The following COMMD1 variants were observed in gnomAD, a reference collection of about 807,000 sequenced individuals.
COMMD1 encodes the protein COMM domain-containing protein 1.
Under a neutral mutation model 17.2 loss-of-function variants are expected in COMMD1, and 10 were observed. That is an observed-to-expected ratio of 0.58 (90% confidence interval 0.36 to 0.99). The LOEUF (loss-of-function observed/expected upper bound fraction) is 0.99. Ranked by LOEUF, COMMD1 falls within the 50% of genes least tolerant of loss-of-function variation. COMMD1 has a pLI of 0.01. For synonymous variants in COMMD1, 97 were observed against 91.6 expected (o/e 1.06, Z -0.34); for missense variants, 270 against 231.8 (o/e 1.17, Z -1.07).
At chr2:62,068,934 C>A (rs1671127857) in intron 2 of COMMD1, among the ~76,000 whole-genome samples, 1 of 152,020 alleles carries the variant, frequency 6.6e-6, no homozygotes, top group African/African-American at 2.4e-5. Context: ...AGCCACCAGG[C>A]CTAGCAGTGG....
At chr2:61,913,532 T>C (rs1229695497) in intron 1 of COMMD1, among the ~76,000 whole-genome samples, 1 of 151,362 alleles carries the variant, frequency 6.6e-6, no homozygotes, top group African/African-American at 2.4e-5. Context: ...AAAAGTTGGC[T>C]CTACTAAATT....
upstream of COMMD1, chr2:61,905,611 T>G: frequency 7.0e-7 from 1 of 1,436,868 alleles, no homozygotes; most frequent in Middle Eastern, 2.5e-4. Context: ...GCACAGGCTA[T>G]TTAGGCACAT....
At chr2:61,942,262 G>A (rs1670770372) in intron 1 of COMMD1, among the ~76,000 whole-genome samples, 1 of 151,224 alleles carries the variant, frequency 6.6e-6, no homozygotes, top group African/African-American at 2.4e-5. Context: ...CGCCACCACG[G>A]CCAGCTAATT....
At chr2:62,029,970 A>G (rs545011992) in intron 2 of COMMD1, among the ~76,000 whole-genome samples, 36 of 152,402 alleles carry the variant, frequency 2.4e-4, no homozygotes, top group African/African-American at 8.4e-4. Flanking sequence ...ATCCAAAGAT[A>G]TAGGGAAATT....
At chr2:62,078,278 G>T (rs1369625369) in intron 2 of COMMD1, among the ~76,000 whole-genome samples, 2 of 146,316 alleles carry the variant, frequency 1.4e-5, no homozygotes, top group Non-Finnish European at 3.0e-5. Flanking sequence ...GTGGAGCCGG[G>T]CACGGTAGCT....
chr2:61,905,811 C>T lies in COMMD1; in HGVS notation c.133C>T (p.Pro45Ser). 6.2e-7 allele frequency: 1 copy of T among 1,614,232 alleles called. No homozygotes were observed. Among genetic ancestry groups the T allele is most frequent in the Non-Finnish European group, 8.5e-7 (1 of 1,180,038 alleles). Residue 45 changes from proline to serine, a missense_variant, in exon 1 of 3, where the codon CCC becomes TCC. Pro to Ser is a moderately conservative substitution (Grantham distance 74). Coordinates refer to ENST00000311832, the MANE Select transcript of COMMD1 (RefSeq NM_152516.4). ...LRSQLYPEVP[P>S]EEFRPFLAKM... ...GAGCCAGCTATATCCAGAGGTGCCACCCGAGGAGTTCCGCCCCTTTCTGGC... is the reference window on the plus strand; with the variant it reads ...GAGCCAGCTATATCCAGAGGTGCCATCCGAGGAGTTCCGCCCCTTTCTGGC...
At chr2:61,995,989 T>TATACC (rs1401761168) in intron 1 of COMMD1, among the ~76,000 whole-genome samples, 1 of 152,242 alleles carries the variant, frequency 6.6e-6, no homozygotes, top group Admixed American at 6.5e-5. Flanking sequence ...GTGTTTATAC[T>TATACC]ATACCATACC....
At chr2:62,009,090 A>G (rs1377484590) in intron 2 of COMMD1, among the ~76,000 whole-genome samples, 1 of 151,922 alleles carries the variant, frequency 6.6e-6, no homozygotes, top group African/African-American at 2.4e-5. Context: ...GGTCTAGAAT[A>G]CTTTAAAAAA....
chr2:61,915,981 A>G (rs1670041153), intron 1 of COMMD1, among the ~76,000 whole-genome samples: 1 of 148,804 alleles, frequency 6.7e-6, no homozygotes, highest in Non-Finnish European at 1.5e-5. Context: ...CTATTTATTT[A>G]TTTATTTGAG....
chr2:62,115,361 C>G (rs1437161655), intron 2 of COMMD1, among the ~76,000 whole-genome samples: 1 of 152,204 alleles, frequency 6.6e-6, no homozygotes, highest in African/African-American at 2.4e-5. Flanking sequence ...TCCACTGATT[C>G]AGAGGAGGGA....
intron 2 of COMMD1, among the ~76,000 whole-genome samples, chr2:62,034,053 T>G (rs1362876323): frequency 7.9e-6 from 1 of 126,094 alleles, no homozygotes; most frequent in Non-Finnish European, 1.5e-5. Context: ...AAGGCTGCAG[T>G]GAGCCAGCCT....
At chr2:62,115,292 A>G (rs941238053) in intron 2 of COMMD1, among the ~76,000 whole-genome samples, 1 of 152,264 alleles carries the variant, frequency 6.6e-6, no homozygotes, top group African/African-American at 2.4e-5. Context: ...TAGTCAATAG[A>G]TTAGGCACAC....
chr2:61,909,027 C>G lies in COMMD1; in HGVS notation c.180+3169C>G, dbSNP rs368591498. ...CTCCGCAACCTCTGCCTCCCAGGTT[C>G]AAGCAATTGTCCTGCCTCAGCCTCC... On this transcript the variant is annotated intron_variant, in intron 1 of 2. Transcript: ENST00000311832. 2.6e-5 allele frequency among the ~76,000 whole-genome samples: 4 copies of G among 152,254 alleles called. No individual in the cohort carries two copies. In the East Asian group the frequency reaches 5.8e-4, roughly 22 times the overall value.
At chr2:61,977,241 CTTTTTTT>C (rs1160361696) in intron 1 of COMMD1, among the ~76,000 whole-genome samples, 2 of 88,792 alleles carry the variant, frequency 2.3e-5, no homozygotes, top group South Asian at 3.8e-4. Context: ...ATAAAGTTTG[CTTTTTTT>C]TTTTTTTTTT....
intron 2 of COMMD1, among the ~76,000 whole-genome samples, chr2:62,095,254 C>T (rs36115933): frequency 6.6e-6 from 1 of 152,026 alleles, no homozygotes; most frequent in Non-Finnish European, 1.5e-5. Flanking sequence ...CAAAAATATG[C>T]GAAACATTCA....
chr2:61,896,706 A>C (rs1669554636), intron 1 of COMMD1, among the ~76,000 whole-genome samples: 1 of 152,216 alleles, frequency 6.6e-6, no homozygotes, highest in East Asian at 1.9e-4. Flanking sequence ...ATTTTGAGTT[A>C]AAAGCACCTA....
Position 61,976,393 on chromosome 2 carries a change from C to G in COMMD1, c.181-24308C>G, listed in dbSNP as rs551253218. 8.5e-5 allele frequency among the ~76,000 whole-genome samples: 13 copies of G among 152,138 alleles called. No individual in the cohort carries two copies. In the South Asian group the frequency reaches 2.7e-3, roughly 31 times the overall value. ...CATTAATTTCAGACTGAACAGACTT[C>G]AGAGCAAGAAAAGTTATTAGGGATC... On this transcript the variant is annotated intron_variant, in intron 1 of 2. Transcript: ENST00000311832.
chr2:62,102,177 C>A (rs1410754331), intron 2 of COMMD1, among the ~76,000 whole-genome samples: 1 of 152,196 alleles, frequency 6.6e-6, no homozygotes, highest in Middle Eastern at 3.2e-3. Flanking sequence ...CTTCCCATCA[C>A]CTGAAGTATG....
chr2:62,107,542 G>A (rs1050817320), intron 2 of COMMD1, among the ~76,000 whole-genome samples: 2 of 152,200 alleles, frequency 1.3e-5, no homozygotes, highest in African/African-American at 4.8e-5. Flanking sequence ...GCAGATTGAA[G>A]AGAGCTCTGC....
Sources: gnomAD v4.1 joint callset for allele counts (sites outside exome capture counted in the v4.1 genomes callset) on GRCh38, gnomAD v4.1.1 for gene constraint, MANE v1.5 for transcripts, NCBI Gene and HGNC (gene_info 2026-07-23, HGNC 2026-07-21) for gene names.